NKAIN2: variants seen among roughly 807,000 people sequenced by gnomAD.
The protein encoded by NKAIN2 is sodium/potassium-transporting ATPase subunit beta-1-interacting protein 2.
NKAIN2 carries 14 observed loss-of-function variants against 32.6 expected under a neutral mutation model. The ratio of observed to expected loss-of-function variants is 0.43; its 90% confidence interval spans 0.28 to 0.67. The LOEUF (loss-of-function observed/expected upper bound fraction) is 0.67, where lower values mean the gene tolerates loss of function less well. Among genes scored for constraint, NKAIN2 ranks in the 30% least tolerant of loss-of-function variants. The pLI is 0.17. For synonymous variants in NKAIN2, 80 were observed against 87.2 expected (o/e 0.92, Z 0.46); for missense variants, 198 against 258.3 (o/e 0.77, Z 1.60).
At chr6:124,750,104 C>A (rs1331991295) in intron 4 of NKAIN2, among the ~76,000 whole-genome samples, 1 of 151,774 alleles carries the variant, frequency 6.6e-6, no homozygotes, top group Non-Finnish European at 1.5e-5. Context: ...GCCTGTGGTG[C>A]AAAATGGGAT....
In NKAIN2 at chr6:124,042,870, C is replaced by T. The variant is rs1781937066; in HGVS notation, c.54+238616C>T. ...TTACGTTCATGTAAATTAGGTTTTT[C>T]CTTTGTAACAGGAATTTTTCATATT... On this transcript the variant is annotated intron_variant, in intron 1 of 6. Coordinates refer to ENST00000368417, the MANE Select transcript of NKAIN2 (RefSeq NM_001040214.3). Among the ~76,000 whole-genome samples, 3 of 151,876 alleles carry T rather than the reference C, an allele frequency of 2.0e-5. No individual in the cohort carries two copies. The South Asian group carries it at 6.2e-4, about 32-fold the overall frequency.
At chr6:124,112,902 T>C (rs181277987) in intron 1 of NKAIN2, among the ~76,000 whole-genome samples, 9 of 152,034 alleles carry the variant, frequency 5.9e-5, no homozygotes, top group Admixed American at 4.6e-4. Context: ...CTTCATGATT[T>C]TGGTTTAGTA....
intron 4 of NKAIN2, among the ~76,000 whole-genome samples, chr6:124,716,869 C>T (rs556128048): frequency 1.8e-4 from 28 of 151,768 alleles, no homozygotes; most frequent in African/African-American, 6.5e-4. Context: ...TAGTCATCTT[C>T]CCTGCTAGGG....
intron 1 of NKAIN2, among the ~76,000 whole-genome samples, chr6:124,277,361 C>T (rs1795079916): frequency 6.6e-6 from 1 of 151,804 alleles, no homozygotes; most frequent in South Asian, 2.1e-4. Flanking sequence ...TTGGACTCAA[C>T]CTAGAAACTG....
At chr6:124,613,720 C>G (rs553084106) in intron 3 of NKAIN2, among the ~76,000 whole-genome samples, 3 of 152,038 alleles carry the variant, frequency 2.0e-5, no homozygotes, top group African/African-American at 7.3e-5. Flanking sequence ...TCAAGCTAAC[C>G]TTTCCTTACA....
chr6:124,475,962 G>T (rs1314810440), intron 3 of NKAIN2, among the ~76,000 whole-genome samples: 1 of 151,584 alleles, frequency 6.6e-6, no homozygotes, highest in Non-Finnish European at 1.5e-5. Context: ...TGAATATGAA[G>T]ATGCCTGTTA....
chr6:123,955,601 T>TTTTATTTTA (rs1044600815), intron 1 of NKAIN2, among the ~76,000 whole-genome samples: 1 of 144,830 alleles, frequency 6.9e-6, no homozygotes, highest in African/African-American at 2.5e-5. Flanking sequence ...TTTTATTTTA[T>TTTTATTTTA]TTTATTTTAT....
In NKAIN2 at chr6:124,522,689, C is replaced by G. The variant is rs191995489; in HGVS notation, c.274-135497C>G. On this transcript the variant is annotated intron_variant, in intron 3 of 6. Coordinates refer to ENST00000368417, the MANE Select transcript of NKAIN2 (RefSeq NM_001040214.3). ...TATGAGTTTGCATTTCCATAGGACT[C>G]TAGAGTTGATCCACGTTCCAAGTTT... Among the ~76,000 whole-genome samples, 98 of 152,226 alleles carry G rather than the reference C, an allele frequency of 6.4e-4. 2 individuals are homozygous for G. The East Asian group carries it at 0.016, about 25-fold the overall frequency.
intron 1 of NKAIN2, among the ~76,000 whole-genome samples, chr6:123,992,842 C>T (rs1779469771): frequency 6.6e-6 from 1 of 152,130 alleles, no homozygotes; most frequent in Admixed American, 6.5e-5. Context: ...CTGCGTTGTT[C>T]CCTTGTGGTA....
In NKAIN2 at chr6:124,823,396, ACACG is replaced by A; in HGVS notation, c.*168_*171del. The A allele has an allele frequency of 1.6e-6, 1 of 632,028 alleles. No homozygotes were observed. The allele number at this position is 632,028 out of a possible 1,614,324, so 39.2% of individuals were successfully genotyped here. On this transcript the variant is annotated 3_prime_UTR_variant, in exon 7 of 7. Transcript: ENST00000368417. ...ACAACACTGACACACACACACACAC[ACACG>A]TGAGCACGCACACACCAATTCCACT...
intron 1 of NKAIN2, among the ~76,000 whole-genome samples, chr6:124,133,291 T>C (rs1786570548): frequency 6.6e-6 from 1 of 152,140 alleles, no homozygotes. Flanking sequence ...AACAGTCCTA[T>C]AGATGAAAAG....
chr6:124,799,083 A>G (rs1376399300), intron 5 of NKAIN2, among the ~76,000 whole-genome samples: 1 of 152,240 alleles, frequency 6.6e-6, no homozygotes, highest in Non-Finnish European at 1.5e-5. Flanking sequence ...TGAATAAAGC[A>G]CCTGTCATTT....
intron 3 of NKAIN2, among the ~76,000 whole-genome samples, chr6:124,544,584 A>G (rs2114852094): frequency 6.6e-6 from 1 of 152,208 alleles, no homozygotes. Context: ...AAGAGCAGAA[A>G]TGTCACAGAA....
chr6:124,767,151 C>T lies in NKAIN2; in HGVS notation c.475-24188C>T, dbSNP rs1778550981. On this transcript the variant is annotated intron_variant, in intron 4 of 6. Transcript: ENST00000368417. The stretch of plus-strand genomic sequence containing the variant: ...CCTCGTGATCTGCCCACCTTGGCCT[C>T]CCAAAGTGCTGGGATTACAGGCATG... Among the ~76,000 whole-genome samples, 8 of 152,078 alleles carry T rather than the reference C, an allele frequency of 5.3e-5. 1 individual carries two copies. The South Asian group carries it at 1.7e-3, about 32-fold the overall frequency.
intron 4 of NKAIN2, among the ~76,000 whole-genome samples, chr6:124,660,158 G>A (rs777636100): frequency 3.9e-5 from 6 of 152,018 alleles, no homozygotes; most frequent in Non-Finnish European, 7.4e-5. Context: ...ATTAAAAGGA[G>A]GTTTTAAACA....
At position 124,398,345 on chromosome 6, in the gene NKAIN2, G is replaced by A. The variant is rs567282249; in HGVS notation, c.273+42998G>A. ...CTTTTGACAAAATACCACTTCACAG[G>A]TAGAATTTAAGTGGGCTGAGACGAT... On this transcript the variant is annotated intron_variant, in intron 3 of 6. Coordinates refer to ENST00000368417, the MANE Select transcript of NKAIN2 (RefSeq NM_001040214.3). Among the ~76,000 whole-genome samples the A allele has an allele frequency of 2.0e-5, 3 of 150,538 alleles. No individual in the cohort carries two copies. The South Asian group carries it at 6.3e-4, about 32-fold the overall frequency.
intron 1 of NKAIN2, among the ~76,000 whole-genome samples, chr6:124,250,154 T>A (rs577927411): frequency 2.0e-5 from 3 of 152,252 alleles, no homozygotes; most frequent in African/African-American, 7.2e-5. Context: ...AGCTTGAAGA[T>A]GGCCATTTAT....
At chr6:124,574,017 T>C (rs1781234909) in intron 3 of NKAIN2, among the ~76,000 whole-genome samples, 1 of 151,968 alleles carries the variant, frequency 6.6e-6, no homozygotes, top group African/African-American at 2.4e-5. Context: ...TGGATAAAAA[T>C]TGGAAAAGCT....
chr6:124,108,854 A>G (rs1042860008), intron 1 of NKAIN2, among the ~76,000 whole-genome samples: 81 of 152,012 alleles, frequency 5.3e-4, no homozygotes, highest in African/African-American at 1.9e-3. Flanking sequence ...CCACATATGG[A>G]TGAGTTTATT....
Sources: gnomAD v4.1 joint callset for allele counts (sites outside exome capture counted in the v4.1 genomes callset) on GRCh38, gnomAD v4.1.1 for gene constraint, MANE v1.5 for transcripts, NCBI Gene and HGNC (gene_info 2026-07-23, HGNC 2026-07-21) for gene names.